Variants in PIK3R3 observed in about 807,000 individuals in gnomAD.
The protein encoded by PIK3R3 is phosphoinositide-3-kinase regulatory subunit 3, also known as phosphatidylinositol 3-kinase regulatory subunit gamma.
Under a neutral mutation model 62.9 loss-of-function variants are expected in PIK3R3, and 64 were observed. That is an observed-to-expected ratio of 1.02 (90% confidence interval 0.83 to 1.25). The LOEUF is 1.25. Ranked by LOEUF, PIK3R3 falls within the 50% of genes most tolerant of loss-of-function variation. The probability of loss-of-function intolerance (pLI) is 0.00; values close to 1 mark genes in which losing one functional copy is unlikely to be tolerated. For synonymous variants in PIK3R3, 165 were observed against 189.0 expected (o/e 0.87, Z 1.04); for missense variants, 614 against 561.6 (o/e 1.09, Z -0.94).
chr1:46,124,624 C>A (rs185054605), intron 1 of PIK3R3, among the ~76,000 whole-genome samples: 71 of 151,266 alleles, frequency 4.7e-4, no homozygotes, highest in Non-Finnish European at 7.4e-4. Flanking sequence ...TGGAGAAACC[C>A]CATCTCTACT....
chr1:46,120,242 T>C (rs1020998556), intron 1 of PIK3R3, among the ~76,000 whole-genome samples: 1 of 152,222 alleles, frequency 6.6e-6, no homozygotes, highest in Non-Finnish European at 1.5e-5. Flanking sequence ...GTCTGTCTTA[T>C]ATTAACTCAA....
rs1331276065 is a variant in PIK3R3, at chr1:46,071,696, C to CAAAA, written c.315-4609_315-4606dup. 2.9e-4 allele frequency among the ~76,000 whole-genome samples: 5 copies of CAAAA among 17,252 alleles called. 1 individual carries two copies. The highest frequency in any genetic ancestry group is 1.9e-3 in the South Asian group (1 of 526). The allele number at this position is 17,252 out of a possible 152,430, so 11.3% of individuals were successfully genotyped here. ...GAGCAACAGAGCAAGACTCTGTCTCCAAAAAAAAAAAAAAAAATATATATA... is the reference window on the plus strand; with the variant it reads ...GAGCAACAGAGCAAGACTCTGTCTCCAAAAAAAAAAAAAAAAAAAAATATATATA... On this transcript the variant is annotated intron_variant, in intron 3 of 9. Transcript: ENST00000262741.
At chr1:46,130,431 T>C (rs1287197251) in intron 1 of PIK3R3, among the ~76,000 whole-genome samples, 1 of 152,084 alleles carries the variant, frequency 6.6e-6, no homozygotes, top group Non-Finnish European at 1.5e-5. Context: ...GCATCTGGAT[T>C]GCAGTCACAA....
At chr1:46,081,547 C>G (rs1343709040) in intron 1 of PIK3R3, among the ~76,000 whole-genome samples, 1 of 152,108 alleles carries the variant, frequency 6.6e-6, no homozygotes, top group Admixed American at 6.6e-5. Flanking sequence ...CTAACTAATG[C>G]CTGATGATCT....
the PIK3R3 span, among the ~76,000 whole-genome samples, chr1:46,147,419 T>C: frequency 6.6e-6 from 1 of 152,014 alleles, no homozygotes; most frequent in South Asian, 2.1e-4. Context: ...ACTCTGTTTT[T>C]GTTGTTATTG....
chr1:46,120,486 T>C (rs574637500), intron 1 of PIK3R3, among the ~76,000 whole-genome samples: 1 of 152,240 alleles, frequency 6.6e-6, no homozygotes, highest in South Asian at 2.1e-4. Flanking sequence ...GGCAGGAGAA[T>C]CGCTTGAACC....
intron 7 of PIK3R3, among the ~76,000 whole-genome samples, chr1:46,051,885 T>G (rs1647382562): frequency 6.6e-6 from 1 of 151,846 alleles, no homozygotes; most frequent in African/African-American, 2.4e-5. Context: ...CAAAAACAAA[T>G]AATACACTTT....
chr1:46,057,741 C>A (rs1185003019), intron 6 of PIK3R3, among the ~76,000 whole-genome samples: 1 of 152,190 alleles, frequency 6.6e-6, no homozygotes, highest in Non-Finnish European at 1.5e-5. Context: ...AATTTCTAAG[C>A]AGCAAAGCAT....
chr1:46,080,931 AC>A, intron 1 of PIK3R3, among the ~76,000 whole-genome samples, 181 bp from the exon 2 acceptor site: 1 of 152,154 alleles, frequency 6.6e-6, no homozygotes, highest in Non-Finnish European at 1.5e-5. Context: ...AAAAGTGAAA[AC>A]GTCAAGATAT....
the PIK3R3 span, among the ~76,000 whole-genome samples, chr1:46,152,962 A>G: frequency 0.021 from 3,185 of 152,258 alleles, 109 homozygotes; most frequent in African/African-American, 0.07. Context: ...GAGAATTTGC[A>G]CGGTCTTTTC....
At chr1:46,170,680 C>G in the PIK3R3 span, among the ~76,000 whole-genome samples, 1 of 152,224 alleles carries the variant, frequency 6.6e-6, no homozygotes, top group African/African-American at 2.4e-5. Flanking sequence ...CTCAGCCTCC[C>G]AAAGTGCTGG....
intron 1 of PIK3R3, among the ~76,000 whole-genome samples, chr1:46,099,432 C>T (rs1652451522): frequency 6.6e-6 from 1 of 152,166 alleles, no homozygotes; most frequent in Non-Finnish European, 1.5e-5. Flanking sequence ...TCCACCACTG[C>T]TTTTTACCCC....
At chr1:46,103,708 C>T (rs1341862063) in intron 1 of PIK3R3, among the ~76,000 whole-genome samples, 1 of 151,982 alleles carries the variant, frequency 6.6e-6, no homozygotes, top group Non-Finnish European at 1.5e-5. Context: ...GATTCTCCTG[C>T]CTCAGCCTCC....
chr1:46,070,753 G>A (rs1204230553), intron 3 of PIK3R3, among the ~76,000 whole-genome samples: 1 of 152,146 alleles, frequency 6.6e-6, no homozygotes, highest in Non-Finnish European at 1.5e-5. Flanking sequence ...GAGCAAGTTT[G>A]TTAAGGATAT....
At chr1:46,166,829 C>G in the PIK3R3 span, among the ~76,000 whole-genome samples, 1 of 152,240 alleles carries the variant, frequency 6.6e-6, no homozygotes, top group Non-Finnish European at 1.5e-5. Context: ...CTACATCCTC[C>G]ACCCCACGCC....
chr1:46,112,894 G>T (rs897374432), intron 1 of PIK3R3, among the ~76,000 whole-genome samples: 1 of 151,974 alleles, frequency 6.6e-6, no homozygotes, highest in African/African-American at 2.4e-5. Context: ...TCCTCAACTT[G>T]CTTCTCTTGG....
In PIK3R3 at chr1:46,041,318, C is replaced by T. The variant is rs531663074; in HGVS notation, c.*2355G>A. Reference sequence around the variant, plus strand: ...CTGGTCAGAAAAGATACTGTCAAACCTCTCAAATGACCCCTGGGTCTTAGA... The same window carrying T: ...CTGGTCAGAAAAGATACTGTCAAACTTCTCAAATGACCCCTGGGTCTTAGA... On this transcript the variant is annotated 3_prime_UTR_variant, in exon 10 of 10. Transcript: ENST00000262741. The T allele has an allele frequency of 2.5e-5, 4 of 161,750 alleles. No homozygotes were observed. Among genetic ancestry groups the T allele is most frequent in the Non-Finnish European group, 5.4e-5 (4 of 73,412 alleles). The allele number at this position is 161,750 out of a possible 1,614,324, so 10.0% of individuals were successfully genotyped here.
intron 6 of PIK3R3, 198 bp from the exon 7 acceptor site, chr1:46,056,169 G>C: frequency 2.6e-6 from 1 of 390,588 alleles, no homozygotes; most frequent in South Asian, 3.8e-5. Context: ...TCCTGCCTCA[G>C]CCTCCCCAGT....
intron 6 of PIK3R3, among the ~76,000 whole-genome samples, chr1:46,061,425 G>A (rs1431443692): frequency 1.3e-5 from 2 of 152,124 alleles, no homozygotes; most frequent in African/African-American, 2.4e-5. Context: ...CTACAGTCTT[G>A]TTCTACTACA....
Sources: gnomAD v4.1 joint callset for allele counts (sites outside exome capture counted in the v4.1 genomes callset) on GRCh38, gnomAD v4.1.1 for gene constraint, MANE v1.5 for transcripts, NCBI Gene and HGNC (gene_info 2026-07-23, HGNC 2026-07-21) for gene names.